The following SBF2 variants were observed in gnomAD, a reference collection of about 807,000 sequenced individuals.
SBF2 encodes myotubularin-related protein 13.
SBF2 carries 112 observed loss-of-function variants against 225.2 expected under a neutral mutation model. The ratio of observed to expected loss-of-function variants is 0.50; its 90% CI spans 0.43 to 0.58. SBF2 has a LOEUF of 0.58. Among genes scored for constraint, SBF2 ranks in the 20% least tolerant of loss-of-function variants. The pLI, the probability that SBF2 is intolerant of heterozygous loss-of-function variation, is 0.00. For missense variants in SBF2, 1,996 were observed against 2,206.2 expected (o/e 0.90, Z 1.91); for synonymous variants, 763 against 773.3 (o/e 0.99, Z 0.22).
intron 16 of SBF2, among the ~76,000 whole-genome samples, chr11:9,901,896 T>G (rs1861749958): frequency 6.6e-6 from 1 of 152,194 alleles, no homozygotes; most frequent in Admixed American, 6.5e-5. Context: ...CCTCCCACAT[T>G]TGGCCTCCCA....
intron 39 of SBF2, 150 bp downstream of exon 39, chr11:9,781,357 G>C: frequency 1.0e-6 from 1 of 982,556 alleles, no homozygotes; most frequent in South Asian, 1.3e-5. Flanking sequence ...CAATAATGCT[G>C]AGTTCAAGCT....
chr11:9,957,273 A>C (rs1178771673), intron 16 of SBF2: 3 of 152,004 alleles, frequency 2.0e-5, no homozygotes, highest in Non-Finnish European at 4.4e-5. Context: ...GAAACCCTAG[A>C]GTGGTCATGA....
intron 6 of SBF2, 55 bp downstream of exon 6, chr11:10,028,397 T>C (rs943023834): frequency 1.6e-5 from 18 of 1,104,352 alleles, no homozygotes; most frequent in Admixed American, 1.5e-4. Context: ...TTAAAATAAA[T>C]CCTTTAATCA....
At position 10,029,760 on chromosome 11, in the gene SBF2, T is replaced by C. The variant is rs1949186125; in HGVS notation, c.513+5A>G. On this transcript the variant is annotated splice_donor_5th_base_variant and intron_variant, in intron 5 of 39. Coordinates refer to ENST00000256190, the MANE Select transcript of SBF2 (RefSeq NM_030962.4). ...CTTCTCCACCTCTCTTTCTATTCTA[T>C]TTACCTGAGACCCTCCAGCCGCTGG... 1.3e-6 allele frequency: 2 copies of C among 1,580,632 alleles called. No homozygotes were observed. Among genetic ancestry groups the C allele is most frequent in the Non-Finnish European group, 8.7e-7 (1 of 1,149,512 alleles).
intron 2 of SBF2, among the ~76,000 whole-genome samples, chr11:10,108,331 C>T (rs768493382): frequency 4.4e-4 from 67 of 152,156 alleles, no homozygotes; most frequent in South Asian, 1.2e-3. Context: ...GCATTGTCTT[C>T]TACATAGACC....
chr11:9,992,325 C>G, intron 12 of SBF2, 90 bp downstream of exon 12: 1 of 942,134 alleles, frequency 1.1e-6, no homozygotes, highest in Non-Finnish European at 1.6e-6. Context: ...TTATATTTGA[C>G]TATATAAATA....
intron 1 of SBF2, among the ~76,000 whole-genome samples, chr11:10,253,118 CA>C (rs546522229): frequency 0.037 from 2,874 of 77,256 alleles, 44 homozygotes; most frequent in African/African-American, 0.11. Flanking sequence ...AGGTAAATAC[CA>C]AAAAAAAAAA....
chr11:10,077,256 C>T (rs2134842162), intron 2 of SBF2, among the ~76,000 whole-genome samples: 1 of 152,194 alleles, frequency 6.6e-6, no homozygotes, highest in Non-Finnish European at 1.5e-5. Flanking sequence ...CAATGCCATC[C>T]CCATCAAGCT....
chr11:9,911,383 C>CA (rs57796243), intron 16 of SBF2, among the ~76,000 whole-genome samples: 11,518 of 107,972 alleles, frequency 0.11, 488 homozygotes, highest in East Asian at 0.18. Context: ...GACTCTGTCT[C>CA]AAAAAAAAAA....
At chr11:9,927,359 C>A (rs765981903) in intron 16 of SBF2, among the ~76,000 whole-genome samples, 1 of 152,060 alleles carries the variant, frequency 6.6e-6, no homozygotes, top group Non-Finnish European at 1.5e-5. Flanking sequence ...AAAATTGAGC[C>A]GGAGTATGCA....
intron 2 of SBF2, among the ~76,000 whole-genome samples, chr11:10,169,046 T>C (rs1471840623): frequency 6.6e-6 from 1 of 152,172 alleles, no homozygotes; most frequent in Non-Finnish European, 1.5e-5. Context: ...AAATCTTTTT[T>C]GAATTTTTAA....
intron 3 of SBF2, among the ~76,000 whole-genome samples, chr11:10,041,111 GATACCCTC>G: frequency 6.6e-6 from 1 of 151,926 alleles, no homozygotes; most frequent in Non-Finnish European, 1.5e-5. Flanking sequence ...GTTGTGAAGC[GATACCCTC>G]AAGAATATGG....
intron 2 of SBF2, among the ~76,000 whole-genome samples, chr11:10,159,533 T>A (rs149159091): frequency 0.076 from 11,541 of 152,188 alleles, 614 homozygotes; most frequent in East Asian, 0.28. Flanking sequence ...GAAGACAGCT[T>A]CGACTCCCTA....
intron 17 of SBF2, among the ~76,000 whole-genome samples, chr11:9,892,071 T>A (rs545337380): frequency 3.3e-5 from 5 of 152,128 alleles, no homozygotes; most frequent in African/African-American, 1.2e-4. Flanking sequence ...GGTGTGAAAA[T>A]AGAGTAAATG....
chr11:10,035,602 C>G (rs906073028), intron 3 of SBF2, among the ~76,000 whole-genome samples: 1 of 152,102 alleles, frequency 6.6e-6, no homozygotes, highest in South Asian at 2.1e-4. Flanking sequence ...CAAGTGGGCA[C>G]AGGATATGAA....
chr11:9,945,642 A>C (rs1044059465), intron 16 of SBF2, among the ~76,000 whole-genome samples: 1 of 152,218 alleles, frequency 6.6e-6, no homozygotes, highest in Non-Finnish European at 1.5e-5. Context: ...AACTATCTAA[A>C]GAGTAAACAG....
chr11:10,174,679 C>T (rs969969645), intron 2 of SBF2, among the ~76,000 whole-genome samples: 26 of 152,068 alleles, frequency 1.7e-4, no homozygotes, highest in Admixed American at 4.6e-4. Flanking sequence ...AGATACTCCT[C>T]GAGAAGAGCA....
intron 1 of SBF2, among the ~76,000 whole-genome samples, chr11:10,197,636 CTT>C (rs1239827109): frequency 6.6e-6 from 1 of 152,152 alleles, no homozygotes; most frequent in African/African-American, 2.4e-5. Context: ...TCGATTGACA[CTT>C]TCTTTCACAA....
intron 13 of SBF2, among the ~76,000 whole-genome samples, chr11:9,987,596 C>G (rs1267599966): frequency 1.3e-5 from 2 of 152,044 alleles, no homozygotes. Flanking sequence ...TTAATGTACA[C>G]AAATCAGAAG....
Sources: allele counts gnomAD v4.1 joint callset (sites outside exome capture counted in the v4.1 genomes callset), GRCh38; gene constraint gnomAD v4.1.1; transcripts MANE v1.5; gene names NCBI Gene and HGNC (gene_info 2026-07-23, HGNC 2026-07-21).